The following CNTN4 variants were observed in gnomAD, a reference collection of about 807,000 sequenced individuals.
CNTN4 encodes contactin 4.
Under a neutral mutation model 122.5 loss-of-function variants are expected in CNTN4, and 77 were observed. The observed-to-expected ratio is 0.63, with a 90% confidence interval of 0.52 to 0.76. CNTN4 has a LOEUF of 0.76. CNTN4 is among the 30% of genes least tolerant of loss of function. The pLI is 0.00. For missense variants in CNTN4, 1,256 were observed against 1,259.1 expected, an observed-to-expected ratio of 1.00 and a Z score of 0.04; for synonymous variants, 512 against 447.0, an observed-to-expected ratio of 1.15 and a Z score of -1.83.
intron 8 of CNTN4, among the ~76,000 whole-genome samples, chr3:2,877,919 A>G (rs1222114959): frequency 6.6e-6 from 1 of 152,246 alleles, no homozygotes; most frequent in Non-Finnish European, 1.5e-5. Flanking sequence ...AATTAGTCAA[A>G]TAACAACATA....
At chr3:2,805,880 A>G (rs767271615) in intron 6 of CNTN4, among the ~76,000 whole-genome samples, 1 of 151,982 alleles carries the variant, frequency 6.6e-6, no homozygotes, top group Non-Finnish European at 1.5e-5. Context: ...CTACTCTCAT[A>G]ACACTTTTTG....
intron 14 of CNTN4, among the ~76,000 whole-genome samples, chr3:2,991,237 A>T (rs1695024742): frequency 6.6e-6 from 1 of 152,116 alleles, no homozygotes; most frequent in Non-Finnish European, 1.5e-5. Flanking sequence ...ACGAGGAGGG[A>T]CTGAGGTAGG....
At chr3:2,974,430 T>C (rs17023926) in intron 13 of CNTN4, among the ~76,000 whole-genome samples, 18,630 of 152,216 alleles carry the variant, frequency 0.12, 1,263 homozygotes, top group African/African-American at 0.16. Context: ...AAATGTTTCA[T>C]GGGAATTTTT....
At chr3:2,193,658 A>T (rs574655297) in intron 2 of CNTN4, among the ~76,000 whole-genome samples, 1 of 152,306 alleles carries the variant, frequency 6.6e-6, no homozygotes, top group Non-Finnish European at 1.5e-5. Flanking sequence ...CCACATAATG[A>T]TGTTTCTGTC....
intron 2 of CNTN4, among the ~76,000 whole-genome samples, chr3:2,242,596 C>T (rs889368098): frequency 1.3e-5 from 2 of 152,052 alleles, no homozygotes; most frequent in African/African-American, 4.8e-5. Flanking sequence ...ATAGTAAGCA[C>T]CATTTAAACT....
Position 2,334,588 on chromosome 3 carries a change from C to G in CNTN4, c.-144-4590C>G, listed in dbSNP as rs535548184. Among the ~76,000 whole-genome samples the G allele has an allele frequency of 2.2e-4, 34 of 152,214 alleles. 1 individual carries two copies. In the South Asian group the frequency reaches 6.8e-3, roughly 31 times the overall value. ...AGCAAATAACGTGGTAAAGCTTAGACTCAAATATGACTTTAGAACCTATAT... is the reference window on the plus strand; with the variant it reads ...AGCAAATAACGTGGTAAAGCTTAGAGTCAAATATGACTTTAGAACCTATAT... On this transcript the variant is annotated intron_variant, in intron 2 of 24. Transcript: ENST00000418658.
intron 3 of CNTN4, among the ~76,000 whole-genome samples, chr3:2,374,509 C>T (rs1007230847): frequency 1.3e-5 from 2 of 152,106 alleles, no homozygotes; most frequent in Non-Finnish European, 2.9e-5. Flanking sequence ...CAGACTAGGT[C>T]CTCAGAAGTC....
chr3:2,802,980 G>A (rs1019168861), intron 6 of CNTN4, among the ~76,000 whole-genome samples: 9 of 152,128 alleles, frequency 5.9e-5, no homozygotes, highest in African/African-American at 9.7e-5. Flanking sequence ...TAGGACTGTC[G>A]TTTATCAAAG....
At chr3:2,844,871 T>C (rs942217051) in intron 7 of CNTN4, among the ~76,000 whole-genome samples, 1 of 152,210 alleles carries the variant, frequency 6.6e-6, no homozygotes, top group Non-Finnish European at 1.5e-5. Flanking sequence ...CCTTCCGTAA[T>C]GCATAATGAC....
chr3:2,188,238 A>G (rs1445817031), intron 2 of CNTN4, among the ~76,000 whole-genome samples: 1 of 152,120 alleles, frequency 6.6e-6, no homozygotes, highest in Non-Finnish European at 1.5e-5. Context: ...ATGAGAGTCC[A>G]TATTTGCCTT....
Position 3,034,683 on chromosome 3 carries a change from C to T in CNTN4, c.1835C>T (p.Thr612Ile). Residue 612 changes from threonine (T) to isoleucine (I), a missense_variant, in exon 17 of 25, where the codon ACT becomes ATT. By Grantham distance (89) the Thr-to-Ile change is moderately conservative (BLOSUM62 -1). Coordinates refer to ENST00000418658, the MANE Select transcript of CNTN4 (RefSeq NM_175607.3). Reference sequence around the variant, plus strand: ...ACAATAGACGAAATCACAGATACCACTGCTCAGCTCTCCTGGAGACCCGGG... The same window carrying T: ...ACAATAGACGAAATCACAGATACCATTGCTCAGCTCTCCTGGAGACCCGGG... ...AVTIDEITDT[T>I]AQLSWRPGPD... The T allele has an allele frequency of 6.2e-7, 1 of 1,614,152 alleles. No individual in the cohort carries two copies. The highest frequency in any genetic ancestry group is 8.5e-7 in the Non-Finnish European group (1 of 1,180,010).
chr3:2,680,479 G>T (rs1470642495), intron 4 of CNTN4, among the ~76,000 whole-genome samples: 1 of 152,144 alleles, frequency 6.6e-6, no homozygotes, highest in African/African-American at 2.4e-5. Flanking sequence ...GACTGCAAAT[G>T]GGTAGACACT....
intron 3 of CNTN4, among the ~76,000 whole-genome samples, chr3:2,489,928 CAT>C (rs2076267632): frequency 6.6e-6 from 1 of 152,122 alleles, no homozygotes; most frequent in Admixed American, 6.5e-5. Context: ...TCGTATAAAA[CAT>C]ACAGTCTATT....
At chr3:2,301,357 T>C (rs1330148140) in intron 2 of CNTN4, among the ~76,000 whole-genome samples, 1 of 152,206 alleles carries the variant, frequency 6.6e-6, no homozygotes, top group African/African-American at 2.4e-5. Flanking sequence ...TTTATAAATC[T>C]GGTTGACATT....
At chr3:2,481,045 C>CTTTCTTTCTTTCTTTCTTTCTTTCTT (rs1224099933) in intron 3 of CNTN4, among the ~76,000 whole-genome samples, 11 of 142,012 alleles carry the variant, frequency 7.7e-5, no homozygotes. Flanking sequence ...TTCTTTCTTT[C>CTTTCTTTCTTTCTTTCTTTCTTTCTT]TTTCTTTCTT....
chr3:3,054,014 C>G (rs769259083), intron 24 of CNTN4, 39 bp downstream of exon 24: 3 of 1,602,270 alleles, frequency 1.9e-6, no homozygotes, highest in Non-Finnish European at 2.6e-6. Flanking sequence ...TCCTGCCTGT[C>G]TTATCTTATC....
chr3:2,580,741 G>C (rs2079897530), intron 4 of CNTN4, among the ~76,000 whole-genome samples: 1 of 152,150 alleles, frequency 6.6e-6, no homozygotes, highest in Non-Finnish European at 1.5e-5. Flanking sequence ...AATAATAATA[G>C]TAAGAGTAAA....
chr3:3,036,546 T>G lies in CNTN4; in HGVS notation c.1943-633T>G, dbSNP rs560284000. ...GATAGGCCAAGGCGGGTGGATCGCT[T>G]GAGCCCAGGAGTTTGAGAGCAGTCT... On this transcript the variant is annotated intron_variant, in intron 17 of 24. Coordinates refer to ENST00000418658, the MANE Select transcript of CNTN4 (RefSeq NM_175607.3). 5.7e-4 allele frequency among the ~76,000 whole-genome samples: 86 copies of G among 152,164 alleles called. 1 individual carries two copies. The highest frequency in any genetic ancestry group is 9.4e-4 in the Non-Finnish European group (64 of 68,020).
intron 2 of CNTN4, among the ~76,000 whole-genome samples, chr3:2,283,873 C>G (rs1428428960): frequency 6.6e-6 from 1 of 152,066 alleles, no homozygotes; most frequent in African/African-American, 2.4e-5. Context: ...GTTTTTATTT[C>G]TAATCTACAA....
Sources: gnomAD v4.1 joint callset for allele counts (sites outside exome capture counted in the v4.1 genomes callset) on GRCh38, gnomAD v4.1.1 for gene constraint, MANE v1.5 for transcripts, NCBI Gene and HGNC (gene_info 2026-07-23, HGNC 2026-07-21) for gene names.